Variants in CILK1 observed in about 807,000 individuals in gnomAD.
CILK1 encodes serine/threonine-protein kinase ICK.
Under a neutral mutation model 79.2 loss-of-function variants are expected in CILK1, and 47 were observed. The ratio of observed to expected loss-of-function variants is 0.59; its 90% CI spans 0.47 to 0.76. The LOEUF is 0.76. Among genes scored for constraint, CILK1 ranks in the 30% least tolerant of loss-of-function variants. CILK1 has a pLI of 0.00. For missense variants in CILK1, 660 were observed against 769.5 expected, an observed-to-expected ratio of 0.86 and a Z score of 1.68; for synonymous variants, 266 against 275.9, an observed-to-expected ratio of 0.96 and a Z score of 0.36.
intron 5 of CILK1, among the ~76,000 whole-genome samples, chr6:53,023,177 C>G (rs576350652): frequency 2.0e-5 from 3 of 152,240 alleles, no homozygotes; most frequent in Admixed American, 2.0e-4. Flanking sequence ...TCATGATCCA[C>G]CCACCTCAGC....
intron 3 of CILK1, among the ~76,000 whole-genome samples, chr6:53,033,157 A>G (rs1766080668): frequency 6.6e-6 from 1 of 152,234 alleles, no homozygotes; most frequent in South Asian, 2.1e-4. Context: ...ATGTATGTCC[A>G]TGAGGCATAG....
rs1271943736 is a variant in CILK1, at chr6:53,009,544, G to A, written c.1516C>T (p.Leu506Phe). 1 of 1,610,666 alleles carries A rather than the reference G, an allele frequency of 6.2e-7. No individual in the cohort carries two copies. The highest frequency in any genetic ancestry group is 8.5e-7 in the Non-Finnish European group (1 of 1,176,780). ...LPGISIRNGI[L>F]SNPGKEFIPP... is the part of the protein sequence containing the mutation. ...ATAAATTCCTTGCCTGGATTCGAGA[G>A]TATGCCATTTCTTATACTGATCCCT... Residue 506 changes from leucine to phenylalanine, a missense_variant, in exon 12 of 14, where the codon CTC becomes TTC. Leu to Phe is a conservative substitution (Grantham distance 22). Coordinates refer to ENST00000676107, the MANE Select transcript of CILK1 (RefSeq NM_014920.5).
intron 5 of CILK1, among the ~76,000 whole-genome samples, chr6:53,020,495 G>A (rs987511144): frequency 2.0e-5 from 3 of 152,180 alleles, no homozygotes; most frequent in Non-Finnish European, 4.4e-5. Context: ...AATCTGAGAT[G>A]CTCCAAAACC....
chr6:53,032,491 C>A (rs768364643), intron 4 of CILK1, 42 bp downstream of exon 4: 1 of 1,398,350 alleles, frequency 7.2e-7, no homozygotes, highest in South Asian at 1.8e-5. Context: ...ATCTGCTTTG[C>A]CTATTTATTT....
intron 1 of CILK1, among the ~76,000 whole-genome samples, chr6:53,043,145 G>A (rs1014935068): frequency 2.0e-5 from 3 of 151,838 alleles, no homozygotes; most frequent in Admixed American, 6.6e-5. Flanking sequence ...GTGAAACCCC[G>A]TCTCTACTAA....
intron 5 of CILK1, among the ~76,000 whole-genome samples, chr6:53,026,291 A>G (rs974722511): frequency 1.3e-5 from 2 of 152,040 alleles, no homozygotes; most frequent in African/African-American, 4.8e-5. Flanking sequence ...TAGCCTCCCA[A>G]GTAGCTGGGA....
chr6:53,023,463 G>C (rs772155780), intron 5 of CILK1, among the ~76,000 whole-genome samples: 1 of 152,156 alleles, frequency 6.6e-6, no homozygotes, highest in African/African-American at 2.4e-5. Context: ...GAGGAGGATG[G>C]GAGGGAGGAA....
chr6:53,011,370 G>A (rs1294901478), intron 11 of CILK1, among the ~76,000 whole-genome samples: 1 of 152,216 alleles, frequency 6.6e-6, no homozygotes, highest in Non-Finnish European at 1.5e-5. Flanking sequence ...GGCCGAGGCT[G>A]GTGGATCATT....
At chr6:53,005,609 C>T (rs993713382) in intron 13 of CILK1, among the ~76,000 whole-genome samples, 3 of 152,114 alleles carry the variant, frequency 2.0e-5, no homozygotes, top group African/African-American at 7.2e-5. Flanking sequence ...TGAACTACTA[C>T]CACGCTGGCC....
intron 3 of CILK1, among the ~76,000 whole-genome samples, chr6:53,035,929 G>A (rs907907491): frequency 6.6e-6 from 1 of 151,772 alleles, no homozygotes; most frequent in African/African-American, 2.4e-5. Context: ...GCCCAGTGCT[G>A]CTAAGTCTGT....
intron 3 of CILK1, among the ~76,000 whole-genome samples, chr6:53,036,498 C>T (rs896219852): frequency 1.5e-4 from 23 of 152,218 alleles, no homozygotes; most frequent in African/African-American, 5.3e-4. Flanking sequence ...TCACTGCAAC[C>T]TCCACTTCCC....
intron 3 of CILK1, among the ~76,000 whole-genome samples, chr6:53,035,101 GA>G (rs1275723811): frequency 6.6e-6 from 1 of 152,202 alleles, no homozygotes; most frequent in East Asian, 1.9e-4. Context: ...TTCTTCTGGT[GA>G]ATCTGCTGCC....
chr6:53,035,756 TGATAA>T (rs1766288976), intron 3 of CILK1, among the ~76,000 whole-genome samples: 2 of 152,102 alleles, frequency 1.3e-5, no homozygotes, highest in Admixed American at 1.3e-4. Context: ...GAAACGACAG[TGATAA>T]GAGGCCTTCA....
intron 13 of CILK1, 66 bp downstream of exon 13, chr6:53,006,249 G>A: frequency 1.3e-6 from 2 of 1,499,778 alleles, no homozygotes; most frequent in Non-Finnish European, 1.9e-6. Flanking sequence ...AACATGCCTG[G>A]CACAAAGCAG....
chr6:53,010,159 GC>G (rs1764481158), intron 11 of CILK1, among the ~76,000 whole-genome samples: 1 of 152,120 alleles, frequency 6.6e-6, no homozygotes, highest in African/African-American at 2.4e-5. Context: ...TCGAGGCTTG[GC>G]CACTCATACT....
At chr6:53,011,240 C>G (rs1305388324) in intron 11 of CILK1, among the ~76,000 whole-genome samples, 1 of 152,174 alleles carries the variant, frequency 6.6e-6, no homozygotes, top group Non-Finnish European at 1.5e-5. Flanking sequence ...TCCTCCCTCC[C>G]TGGAGGCTGG....
At chr6:53,029,029 T>G (rs1366042844) in intron 5 of CILK1, among the ~76,000 whole-genome samples, 1 of 152,100 alleles carries the variant, frequency 6.6e-6, no homozygotes, top group Non-Finnish European at 1.5e-5. Flanking sequence ...TGGCAACAAG[T>G]ATCTGGGTCT....
At chr6:53,030,667 C>T (rs1765887104) in intron 5 of CILK1, among the ~76,000 whole-genome samples, 3 of 152,182 alleles carry the variant, frequency 2.0e-5, no homozygotes, top group Non-Finnish European at 2.9e-5. Flanking sequence ...CTTTTAAACT[C>T]GCTTGAAACA....
intron 1 of CILK1, among the ~76,000 whole-genome samples, chr6:53,058,411 A>C (rs888845547): frequency 6.6e-6 from 1 of 152,180 alleles, no homozygotes; most frequent in South Asian, 2.1e-4. Flanking sequence ...GTTTCACCAA[A>C]TTCTTTTTAC....
Sources: allele counts gnomAD v4.1 joint callset (sites outside exome capture counted in the v4.1 genomes callset), GRCh38; gene constraint gnomAD v4.1.1; transcripts MANE v1.5; gene names NCBI Gene and HGNC (gene_info 2026-07-23, HGNC 2026-07-21).